RASA3: variants seen among roughly 807,000 people sequenced by gnomAD.
RASA3 encodes ras GTPase-activating protein 3.
RASA3 carries 73 observed loss-of-function variants against 110.0 expected under a neutral mutation model. The ratio of observed to expected loss-of-function variants is 0.66; its 90% CI spans 0.55 to 0.81. RASA3 has a LOEUF of 0.81. Among genes scored for constraint, RASA3 ranks in the 30% least tolerant of loss-of-function variants. The probability of loss-of-function intolerance (pLI) is 0.00; values close to 1 mark genes in which losing one functional copy is unlikely to be tolerated. For missense variants in RASA3, 976 were observed against 1,113.2 expected (o/e 0.88, Z 1.75); for synonymous variants, 500 against 451.4 (o/e 1.11, Z -1.37).
chr13:113,997,450 T>G (rs547397530), intron 20 of RASA3, among the ~76,000 whole-genome samples: 75 of 151,174 alleles, frequency 5.0e-4, no homozygotes, highest in African/African-American at 1.8e-3. Context: ...CGGCGTTGAC[T>G]CAAAGTTAGT....
In RASA3 at chr13:114,016,268, A is replaced by C. The variant is rs761285614; in HGVS notation, c.1210T>G (p.Cys404Gly). Residue 404 changes from cysteine to glycine, a missense_variant, in exon 13 of 24, where the codon TGC (cysteine) becomes GGC (glycine). Physicochemically the swap from Cys to Gly is radical, Grantham distance 159 (BLOSUM62 -3). This residue lies in a region of RASA3 where 732 missense variants were observed against 779.7 expected (regional missense o/e 0.94). Transcript: ENST00000334062. ...ATTTCACAGGGTTTGTGGCTCTGGC[A>C]TATCTGGGGAGAGGTTTAAGACAGG... is the stretch of plus-strand genomic sequence containing the variant. ...VTLKPAIEEI[C>G]QSHKPCEIDP... is the part of the protein sequence containing the mutation. 1.9e-6 allele frequency: 3 copies of C among 1,587,540 alleles called. No individual in the cohort carries two copies. In the African/African-American group the frequency reaches 4.0e-5, roughly 21 times the overall value.
intron 18 of RASA3, among the ~76,000 whole-genome samples, chr13:114,004,229 T>G (rs2053464378): frequency 9.1e-6 from 1 of 110,440 alleles, no homozygotes. Flanking sequence ...GGGACTTAAT[T>G]AAACTAAACA....
chr13:114,051,145 T>C (rs1363997992), intron 3 of RASA3, among the ~76,000 whole-genome samples: 3 of 152,142 alleles, frequency 2.0e-5, no homozygotes, highest in African/African-American at 7.2e-5. Flanking sequence ...GGGGCCAAGC[T>C]GGGGGTCCCC....
intron 11 of RASA3, 113 bp downstream of exon 11, chr13:114,017,991 G>A (rs2053831061): frequency 5.9e-6 from 7 of 1,195,866 alleles, no homozygotes; most frequent in Non-Finnish European, 7.8e-6. Flanking sequence ...TGGTTTCTGG[G>A]GACCCTTGAA....
At chr13:114,041,694 T>A (rs2054411748) in intron 3 of RASA3, among the ~76,000 whole-genome samples, 1 of 152,252 alleles carries the variant, frequency 6.6e-6, no homozygotes, top group Non-Finnish European at 1.5e-5. Context: ...TCCGTGTGTG[T>A]GGACACGCAC....
chr13:114,060,612 GACGCGAAGGGCCAGGACCGGAC>G, intron 2 of RASA3, among the ~76,000 whole-genome samples: 1 of 152,390 alleles, frequency 6.6e-6, no homozygotes, highest in African/African-American at 2.4e-5. Flanking sequence ...GGCCTGCGGG[GACGCGAAGGGCCAGGACCGGAC>G]ACGCCCCGTT....
At chr13:114,125,041 G>A (rs913235644) in intron 1 of RASA3, among the ~76,000 whole-genome samples, 23 of 152,240 alleles carry the variant, frequency 1.5e-4, no homozygotes, top group African/African-American at 5.3e-4. Flanking sequence ...CCTGATCTGC[G>A]CACACTCATC....
chr13:114,060,033 G>A (rs1175224040), intron 2 of RASA3, among the ~76,000 whole-genome samples: 4 of 152,258 alleles, frequency 2.6e-5, no homozygotes, highest in African/African-American at 9.6e-5. Flanking sequence ...TGGACGGTGA[G>A]GAGACCCGCA....
intron 8 of RASA3, among the ~76,000 whole-genome samples, chr13:114,023,010 C>T (rs1370800812): frequency 2.0e-5 from 3 of 152,200 alleles, no homozygotes; most frequent in Admixed American, 6.5e-5. Context: ...CTATGGGGGA[C>T]GGATCTGACC....
intron 2 of RASA3, among the ~76,000 whole-genome samples, chr13:114,058,261 A>AG (rs1310760417): frequency 6.6e-6 from 1 of 151,620 alleles, no homozygotes; most frequent in Non-Finnish European, 1.5e-5. Flanking sequence ...GGCAGGGGCC[A>AG]GCTCCAGGTG....
chr13:114,030,484 G>GGCAAGACTCACACAGAGA (rs2054137212), intron 4 of RASA3, among the ~76,000 whole-genome samples: 4 of 130,324 alleles, frequency 3.1e-5, no homozygotes, highest in African/African-American at 1.3e-4. Flanking sequence ...TCACACAGAG[G>GGCAAGACTCACACAGAGA]GCAAGACTCA....
At chr13:114,091,289 G>A (rs7987231) in intron 1 of RASA3, among the ~76,000 whole-genome samples, 12,709 of 151,826 alleles carry the variant, frequency 0.084, 851 homozygotes, top group East Asian at 0.19. Context: ...GTGTGAGGTC[G>A]TGTCCCAGAT....
At chr13:114,024,514 T>C (rs2053991709) in intron 7 of RASA3, among the ~76,000 whole-genome samples, 159 bp from the exon 8 acceptor site, 1 of 152,252 alleles carries the variant, frequency 6.6e-6, no homozygotes, top group African/African-American at 2.4e-5. Context: ...GATTCAGGCC[T>C]GGCTTCCTGA....
At chr13:114,030,263 GC>G in intron 4 of RASA3, among the ~76,000 whole-genome samples, 1 of 152,248 alleles carries the variant, frequency 6.6e-6, no homozygotes. Flanking sequence ...CAGAGGGGAA[GC>G]ACAGCTGTCT....
chr13:114,089,552 G>A lies in RASA3; in HGVS notation c.56-15715C>T, dbSNP rs879503117. On this transcript the variant is annotated intron_variant, in intron 1 of 23. Coordinates refer to ENST00000334062, the MANE Select transcript of RASA3 (RefSeq NM_007368.4). ...GCTCCCAGCTGCAGAAGAGTTGCCC[G>A]GTGACCCAGGAAGCAGGAGGAAAGG... Among the ~76,000 whole-genome samples the A allele has an allele frequency of 9.2e-5, 14 of 152,000 alleles. No individual in the cohort carries two copies. In the East Asian group the frequency reaches 9.7e-4, roughly 11 times the overall value.
At chr13:114,074,141 T>A (rs1453963296) in intron 1 of RASA3, among the ~76,000 whole-genome samples, 2 of 152,218 alleles carry the variant, frequency 1.3e-5, no homozygotes, top group African/African-American at 4.8e-5. Flanking sequence ...ACATACAATT[T>A]TCCATCTCTG....
At chr13:114,068,990 T>C (rs1377411712) in intron 2 of RASA3, among the ~76,000 whole-genome samples, 1 of 152,078 alleles carries the variant, frequency 6.6e-6, no homozygotes, top group East Asian at 1.9e-4. Context: ...TCCCCAGACG[T>C]CGGCTCAGCA....
At chr13:114,071,824 G>C (rs976236322) in intron 2 of RASA3, among the ~76,000 whole-genome samples, 1 of 152,148 alleles carries the variant, frequency 6.6e-6, no homozygotes, top group Non-Finnish European at 1.5e-5. Context: ...ACCCCTCACA[G>C]TTTTCTAGTA....
intron 1 of RASA3, among the ~76,000 whole-genome samples, chr13:114,125,798 C>T (rs1042032003): frequency 7.2e-5 from 11 of 152,142 alleles, no homozygotes; most frequent in East Asian, 1.9e-4. Context: ...CTCTGACCCG[C>T]GGCTGCGTAA....
Sources: gnomAD v4.1 joint callset for allele counts (sites outside exome capture counted in the v4.1 genomes callset) on GRCh38, gnomAD v4.1.1 for gene constraint, gnomAD v4.1.1 regional missense constraint, MANE v1.5 for transcripts, NCBI Gene and HGNC (gene_info 2026-07-23, HGNC 2026-07-21) for gene names.